Variants in DGKD observed in about 807,000 individuals in gnomAD.
DGKD encodes diacylglycerol kinase delta.
A neutral mutation model predicts 154.4 loss-of-function variants in DGKD; 68 were observed. The observed-to-expected ratio is 0.44, with a 90% CI of 0.36 to 0.54. The LOEUF (loss-of-function observed/expected upper bound fraction) is 0.54. Among genes scored for constraint, DGKD ranks in the 20% least tolerant of loss-of-function variants. The probability of loss-of-function intolerance (pLI) is 0.00; values close to 1 mark genes in which losing one functional copy is unlikely to be tolerated. For synonymous variants in DGKD, 693 were observed against 638.0 expected (o/e 1.09, Z -1.30); for missense variants, 1,343 against 1,593.6 (o/e 0.84, Z 2.68).
chr2:233,389,794 G>A (rs1703467710), intron 2 of DGKD, among the ~76,000 whole-genome samples: 1 of 152,156 alleles, frequency 6.6e-6, no homozygotes, highest in African/African-American at 2.4e-5. Flanking sequence ...GAGGGAGACG[G>A]GGGAGGTCCC....
intron 19 of DGKD, 59 bp downstream of exon 19, chr2:233,454,932 G>GAAATCTGCT: frequency 9.3e-7 from 1 of 1,075,714 alleles, no homozygotes; most frequent in Non-Finnish European, 1.4e-6. Context: ...TCTCCTTCCA[G>GAAATCTGCT]ACAGTAGCAG....
At position 233,459,773 on chromosome 2, in the gene DGKD, T is replaced by A; in HGVS notation, c.2711T>A (p.Ile904Asn). The A allele has an allele frequency of 6.2e-7, 1 of 1,613,950 alleles. No homozygotes were observed. The highest frequency in any genetic ancestry group is 8.5e-7 in the Non-Finnish European group (1 of 1,179,966). ...TCTGCTCAGTGTCGCACGGTGAAGATCTCCATCCTTGGGGATGAGGGCGTG... is the reference window on the plus strand; with the variant it reads ...TCTGCTCAGTGTCGCACGGTGAAGAACTCCATCCTTGGGGATGAGGGCGTG... ...HRIAQCRTVK[I>N]SILGDEGVPV... Residue 904 changes from isoleucine (I) to asparagine (N), a missense_variant, in exon 23 of 30, where the codon ATC becomes AAC. Ile to Asn is a moderately radical substitution (Grantham distance 149). Transcript: ENST00000264057. The surrounding 1 kb of genome is among the most constrained non-coding windows in gnomAD (Gnocchi z 5.7).
chr2:233,356,573 T>A (rs1701541648), intron 1 of DGKD, among the ~76,000 whole-genome samples: 1 of 152,200 alleles, frequency 6.6e-6, no homozygotes, highest in Admixed American at 6.5e-5. Flanking sequence ...TTCCAGTGTT[T>A]AGAATTTTGT....
intron 24 of DGKD, among the ~76,000 whole-genome samples, chr2:233,461,763 C>G (rs772152715): frequency 6.6e-6 from 1 of 152,222 alleles, no homozygotes. Flanking sequence ...AGGCTGGCCC[C>G]GCTGCCTTTG....
At chr2:233,460,151 A>C in intron 23 of DGKD, 43 bp from the exon 24 acceptor site, 2 of 1,602,698 alleles carry the variant, frequency 1.2e-6, no homozygotes, top group Non-Finnish European at 1.7e-6. Context: ...AGTCAGATGC[A>C]TGCTTCAGAG....
intron 23 of DGKD, 34 bp from the exon 24 acceptor site, chr2:233,460,160 A>G: frequency 6.2e-7 from 1 of 1,609,984 alleles, no homozygotes; most frequent in Non-Finnish European, 8.5e-7. Context: ...CATGCTTCAG[A>G]GCAGCAGGTG....
intron 1 of DGKD, among the ~76,000 whole-genome samples, chr2:233,384,683 G>A (rs1703080228): frequency 6.6e-6 from 1 of 151,936 alleles, no homozygotes; most frequent in Non-Finnish European, 1.5e-5. Context: ...TCTCTCCCCT[G>A]CCACCCCAGA....
intron 1 of DGKD, among the ~76,000 whole-genome samples, chr2:233,380,355 A>G (rs1702822396): frequency 6.6e-6 from 1 of 152,190 alleles, no homozygotes; most frequent in Non-Finnish European, 1.5e-5. Flanking sequence ...AACTCAGCCA[A>G]CCCATCGTTA....
chr2:233,434,537 C>A lies in DGKD; in HGVS notation c.453+53C>A. On this transcript the variant is annotated intron_variant, in intron 4 of 29. Coordinates refer to ENST00000264057, the MANE Select transcript of DGKD (RefSeq NM_152879.3). ...ATGCCTCCTGTTGCCTCCCTCACCC[C>A]AGTGTCTGCTGTCTGAGTGTCTCCC... The A allele has an allele frequency of 1.9e-6, 3 of 1,546,052 alleles. No homozygotes were observed. The African/African-American group carries it at 4.1e-5, about 21-fold the overall frequency.
chr2:233,391,024 C>T lies in DGKD; in HGVS notation c.348+541C>T, dbSNP rs1009516312. ...CTGGGATTACAGGTGTGAGCCACCA[C>T]GCTTTGCTGGTTCACATCTTACTAC... is the stretch of plus-strand genomic sequence containing the variant. On this transcript the variant is annotated intron_variant, in intron 3 of 29. Transcript: ENST00000264057. Among the ~76,000 whole-genome samples, 6 of 152,210 alleles carry T rather than the reference C, an allele frequency of 3.9e-5. No homozygotes were observed. The East Asian group carries it at 5.8e-4, about 15-fold the overall frequency.
chr2:233,462,841 G>T, intron 26 of DGKD, 106 bp downstream of exon 26: 1 of 1,025,494 alleles, frequency 9.8e-7, no homozygotes, highest in Non-Finnish European at 1.5e-6. Context: ...CAGAGTTCCC[G>T]GTCTTAAGGA....
At position 233,427,593 on chromosome 2, in the gene DGKD, C is replaced by T. The variant is rs368351392; in HGVS notation, c.349-6787C>T. ...CTAACCTCAAGTGATCTACCTGCCT[C>T]GGCCTCCCAAAGTGCTGAGATTATA... On this transcript the variant is annotated intron_variant, in intron 3 of 29. Transcript: ENST00000264057. Among the ~76,000 whole-genome samples, 49 of 152,260 alleles carry T rather than the reference C, an allele frequency of 3.2e-4. 1 individual carries two copies. In the East Asian group the frequency reaches 6.8e-3, roughly 21 times the overall value.
At chr2:233,362,184 A>T (rs778965972) in intron 1 of DGKD, among the ~76,000 whole-genome samples, 52 of 152,342 alleles carry the variant, frequency 3.4e-4, no homozygotes, top group Non-Finnish European at 6.5e-4. Flanking sequence ...GGCTGAAAAA[A>T]TTGTGTGAAC....
In DGKD at chr2:233,441,864, C is replaced by T. The variant is rs200182745; in HGVS notation, c.1086-23C>T. ...GTCCTGTGGAATGGATGTCATTTCA[C>T]GGCCTTTCTCTTTTCTCTGCAGCTT... On this transcript the variant is annotated intron_variant, in intron 9 of 29. Transcript: ENST00000264057. The surrounding 1 kb of genome is among the most constrained non-coding windows in gnomAD (Gnocchi z 5.6). 2.5e-4 allele frequency: 394 copies of T among 1,603,426 alleles called. No individual in the cohort carries two copies. Among genetic ancestry groups the T allele is most frequent in the Non-Finnish European group, 3.1e-4 (367 of 1,171,920 alleles).
chr2:233,446,865 T>G, intron 12 of DGKD, 69 bp downstream of exon 12: 1 of 1,564,874 alleles, frequency 6.4e-7, no homozygotes, highest in Non-Finnish European at 8.8e-7. Context: ...GTCAGCGGTT[T>G]GCATCACCTC....
intron 3 of DGKD, among the ~76,000 whole-genome samples, chr2:233,390,795 T>G (rs1703549772): frequency 6.6e-6 from 1 of 152,222 alleles, no homozygotes; most frequent in Admixed American, 6.5e-5. Context: ...TGCAATGGCG[T>G]GATCTCCAGC....
At chr2:233,456,773 T>G in intron 19 of DGKD, 126 bp from the exon 20 acceptor site, 1 of 707,784 alleles carries the variant, frequency 1.4e-6, no homozygotes, top group Non-Finnish European at 2.4e-6. Context: ...ATGTTACTGC[T>G]GTAAATAATT....
intron 1 of DGKD, among the ~76,000 whole-genome samples, chr2:233,377,230 G>T (rs1253510681): frequency 6.6e-6 from 1 of 151,900 alleles, no homozygotes; most frequent in African/African-American, 2.4e-5. Context: ...TTACAGGTGT[G>T]TGCCACCACT....
At chr2:233,379,402 T>C (rs7598771) in intron 1 of DGKD, among the ~76,000 whole-genome samples, 18,489 of 152,074 alleles carry the variant, frequency 0.12, 1,386 homozygotes, top group African/African-American at 0.2. Context: ...GCCTCTCAGA[T>C]TGGGAGGAGC....
Sources: gnomAD v4.1 joint callset for allele counts (sites outside exome capture counted in the v4.1 genomes callset) on GRCh38, gnomAD v4.1.1 for gene constraint, Gnocchi (gnomAD v3.1) non-coding constraint, MANE v1.5 for transcripts, NCBI Gene and HGNC (gene_info 2026-07-23, HGNC 2026-07-21) for gene names.